Variants in GPAM observed in about 807,000 individuals in gnomAD.
GPAM encodes the protein glycerol-3-phosphate acyltransferase, mitochondrial.
In GPAM, 56 loss-of-function variants were observed where a neutral mutation model predicts 105.0. The ratio of observed to expected loss-of-function variants is 0.53; its 90% CI spans 0.43 to 0.67. GPAM has a LOEUF of 0.67. Among genes scored for constraint, GPAM ranks in the 30% least tolerant of loss-of-function variants. GPAM has a pLI of 0.00. For synonymous variants in GPAM, 368 were observed against 354.4 expected (o/e 1.04, Z -0.43); for missense variants, 855 against 989.8 (o/e 0.86, Z 1.83).
intron 1 of GPAM, among the ~76,000 whole-genome samples, chr10:112,213,763 G>A (rs1204121288): frequency 1.3e-5 from 2 of 152,206 alleles, no homozygotes; most frequent in African/African-American, 4.8e-5. Flanking sequence ...GTTCGACCAT[G>A]GTGGGTCCAG....
At chr10:112,175,893 T>C (rs73353058) in intron 5 of GPAM, among the ~76,000 whole-genome samples, 180 bp from the exon 6 acceptor site, 28 of 152,236 alleles carry the variant, frequency 1.8e-4, no homozygotes, top group Non-Finnish European at 2.9e-5. Flanking sequence ...ATTTTATTCA[T>C]GTACTCTCAG....
chr10:112,194,150 T>G (rs1847695735), intron 1 of GPAM, among the ~76,000 whole-genome samples: 1 of 152,210 alleles, frequency 6.6e-6, no homozygotes, highest in Non-Finnish European at 1.5e-5. Flanking sequence ...GATACATGCC[T>G]TCGTGTTTGC....
intron 8 of GPAM, 100 bp from the exon 9 acceptor site, chr10:112,172,418 C>A: frequency 1.2e-6 from 1 of 829,658 alleles, no homozygotes; most frequent in South Asian, 1.4e-5. Flanking sequence ...ACTGGCTAAT[C>A]AGTGACTCAC....
chr10:112,161,689 A>T lies in GPAM; in HGVS notation c.1472T>A (p.Leu491Gln). The T allele has an allele frequency of 6.2e-7, 1 of 1,613,826 alleles. No homozygotes were observed. The highest frequency in any genetic ancestry group is 1.3e-5 in the African/African-American group (1 of 75,074). The change falls in exon 15 of 22, where the codon CTG becomes CAG. Residue 491 changes from leucine (L) to glutamine (Q), a missense_variant. Coordinates refer to ENST00000348367, the MANE Select transcript of GPAM (RefSeq NM_001244949.2). ...TACCTGCCTGTGTCTGTAGAGGAGC[A>T]GGCAAGCCACAATGTGTGTGGACAT... ...AIMSTHIVAC[L>Q]LLYRHRQGID...
chr10:112,149,905 C>T lies in GPAM; in HGVS notation c.*3645G>A. The T allele has an allele frequency of 5.1e-6, 5 of 984,632 alleles. No homozygotes were observed. Among genetic ancestry groups the T allele is most frequent in the Non-Finnish European group, 4.8e-6 (4 of 828,786 alleles). 61.0% of individuals were successfully genotyped at this position (984,632 alleles called of 1,614,324 possible). On this transcript the variant is annotated 3_prime_UTR_variant, in exon 22 of 22. Coordinates refer to ENST00000348367, the MANE Select transcript of GPAM (RefSeq NM_001244949.2). ...GTTTATTAAAACAAAACTACATTTT[C>T]TGTGTTTCTTGCAATACACTAACAA...
upstream of GPAM, among the ~76,000 whole-genome samples, chr10:112,186,950 C>T (rs1311794148): frequency 6.6e-6 from 1 of 152,136 alleles, no homozygotes; most frequent in East Asian, 1.9e-4. Context: ...GACAACAGCA[C>T]AAAGTCCAGG....
chr10:112,199,698 G>A (rs1847769821), intron 1 of GPAM, among the ~76,000 whole-genome samples: 1 of 152,122 alleles, frequency 6.6e-6, no homozygotes, highest in Non-Finnish European at 1.5e-5. Flanking sequence ...CACATGGCTG[G>A]GGAGGCCTCA....
chr10:112,158,292 A>G (rs561410806), intron 18 of GPAM, 24 bp downstream of exon 18: 1 of 1,351,804 alleles, frequency 7.4e-7, no homozygotes, highest in Non-Finnish European at 1.1e-6. Flanking sequence ...ATAAAGACAA[A>G]TAAAGGAAAG....
the GPAM span, among the ~76,000 whole-genome samples, chr10:112,221,994 A>G: frequency 2.0e-5 from 3 of 152,244 alleles, no homozygotes; most frequent in Non-Finnish European, 4.4e-5. Flanking sequence ...CTTCAGAGAT[A>G]CCTACCAAAA....
chr10:112,164,511 T>C lies in GPAM; in HGVS notation c.1307+14A>G. On this transcript the variant is annotated intron_variant, in intron 13 of 21. Transcript: ENST00000348367. ...GGTAGCTTGATTAGCATTAAACAAT[T>C]CTACAAATTTTACCTTGAAGGAAGT... 1 of 1,350,618 alleles carries C rather than the reference T, an allele frequency of 7.4e-7. No individual in the cohort carries two copies. Among genetic ancestry groups the C allele is most frequent in the Non-Finnish European group, 1.1e-6 (1 of 939,596 alleles). 83.7% of individuals were successfully genotyped at this position (1,350,618 alleles called of 1,614,324 possible). A position where few individuals can be genotyped will look rare whatever the true frequency, so the allele number is the denominator to read the frequency against.
intron 1 of GPAM, among the ~76,000 whole-genome samples, chr10:112,209,716 CAAA>C (rs1458773549): frequency 1.3e-5 from 2 of 152,030 alleles, no homozygotes; most frequent in Non-Finnish European, 2.9e-5. Context: ...GGAATTGACT[CAAA>C]AAAAGAATGA....
At chr10:112,178,367 T>C (rs947433816) in intron 4 of GPAM, among the ~76,000 whole-genome samples, 2 of 151,920 alleles carry the variant, frequency 1.3e-5, no homozygotes, top group African/African-American at 4.8e-5. Flanking sequence ...CTGGCCAACA[T>C]GGTGAAACTC....
chr10:112,197,707 A>C (rs1847741669), intron 1 of GPAM, among the ~76,000 whole-genome samples: 1 of 129,938 alleles, frequency 7.7e-6, no homozygotes, highest in Admixed American at 9.8e-5. Flanking sequence ...CTCATTGTTC[A>C]ATTCCCACCT....
intron 1 of GPAM, among the ~76,000 whole-genome samples, chr10:112,206,769 T>A (rs1343257852): frequency 1.3e-5 from 2 of 149,852 alleles, no homozygotes; most frequent in Non-Finnish European, 2.9e-5. Flanking sequence ...TGTATACATA[T>A]GTAACTAACC....
rs539608738 is a variant in GPAM, at chr10:112,171,407, G to A, written c.794+775C>T. On this transcript the variant is annotated intron_variant, in intron 9 of 21. Transcript: ENST00000348367. ...TGCCTGAACTATCCTAATGGAAGCA[G>A]AATTGATTTCATTCTTTCTAATCCA... 8.5e-5 allele frequency among the ~76,000 whole-genome samples: 13 copies of A among 152,280 alleles called. No individual in the cohort carries two copies. The South Asian group carries it at 2.5e-3, about 29-fold the overall frequency.
chr10:112,186,298 ATTTTATATAT>A (rs1342270069), upstream of GPAM, among the ~76,000 whole-genome samples: 1 of 151,588 alleles, frequency 6.6e-6, no homozygotes, highest in East Asian at 1.9e-4. Context: ...TGGTATGTAC[ATTTTATATAT>A]TTTTATATAT....
At chr10:112,223,084 A>G in the GPAM span, among the ~76,000 whole-genome samples, 1 of 152,144 alleles carries the variant, frequency 6.6e-6, no homozygotes. Flanking sequence ...GCCTTCTCTC[A>G]TCAGTCTGGC....
intron 4 of GPAM, 53 bp downstream of exon 4, chr10:112,180,420 G>A (rs1847486782): frequency 1.3e-6 from 2 of 1,588,798 alleles, no homozygotes; most frequent in East Asian, 4.5e-5. Flanking sequence ...CTACAAAGTT[G>A]GAAATAATAT....
At chr10:112,165,792 T>C (rs1847205412) in intron 12 of GPAM, among the ~76,000 whole-genome samples, 1 of 152,192 alleles carries the variant, frequency 6.6e-6, no homozygotes, top group Non-Finnish European at 1.5e-5. Flanking sequence ...TAAAGGCACA[T>C]GCAAGATTCC....
Sources: allele counts gnomAD v4.1 joint callset (sites outside exome capture counted in the v4.1 genomes callset), GRCh38; gene constraint gnomAD v4.1.1; transcripts MANE v1.5; gene names NCBI Gene and HGNC (gene_info 2026-07-23, HGNC 2026-07-21).